The following SLC43A1 variants were observed in gnomAD, a reference collection of about 807,000 sequenced individuals.
The protein encoded by SLC43A1 is solute carrier family 43 member 1, also known as large neutral amino acids transporter small subunit 3.
SLC43A1 carries 31 observed loss-of-function variants against 59.5 expected under a neutral mutation model. The observed-to-expected ratio is 0.52, with a 90% CI of 0.39 to 0.70. The LOEUF is 0.70. Ranked by LOEUF, SLC43A1 falls within the 30% of genes least tolerant of loss-of-function variation. SLC43A1 has a pLI of 0.00. For missense variants in SLC43A1, 598 were observed against 717.8 expected (o/e 0.83, Z 1.91); for synonymous variants, 259 against 290.9 (o/e 0.89, Z 1.12).
chr11:57,514,257 GCTT>G lies in SLC43A1; in HGVS notation c.-13-136_-13-134del. The G allele has an allele frequency of 8.9e-7, 1 of 1,123,624 alleles. No homozygotes were observed. Among genetic ancestry groups the G allele is most frequent in the Admixed American group, 2.9e-5 (1 of 34,414 alleles). 69.6% of individuals were successfully genotyped at this position (1,123,624 alleles called of 1,614,324 possible). A position where few individuals can be genotyped will look rare whatever the true frequency, so the allele number is the denominator to read the frequency against. On this transcript the variant is annotated intron_variant, in intron 1 of 14. Transcript: ENST00000278426. The surrounding 1 kb of genome is among the most constrained non-coding windows in gnomAD (Gnocchi z 5.5). ...TCATGGAGGCCCCATAGAGCCCTGG[GCTT>G]CCCAGCCGGTGCCAAGGAGCTGGCT...
chr11:57,502,738 G>A (rs891128630), intron 2 of SLC43A1, among the ~76,000 whole-genome samples: 3 of 151,972 alleles, frequency 2.0e-5, no homozygotes, highest in Non-Finnish European at 4.4e-5. Context: ...GCCGAGCATG[G>A]CGATGCATGT....
chr11:57,505,026 A>T (rs1003974061), intron 2 of SLC43A1, among the ~76,000 whole-genome samples: 2 of 152,180 alleles, frequency 1.3e-5, no homozygotes, highest in Non-Finnish European at 2.9e-5. Context: ...ATCAACCCCC[A>T]ACCCCAACAT....
Position 57,507,261 on chromosome 11 carries a change from G to A in SLC43A1, c.155-5932C>T, listed in dbSNP as rs578075368. ...GAAAGGGGGATCACTTGAGGCCAGG[G>A]GTTCTAGATCAGCCTGGGCAACATG... On this transcript the variant is annotated intron_variant, in intron 2 of 14. Transcript: ENST00000278426. 7.3e-4 allele frequency among the ~76,000 whole-genome samples: 111 copies of A among 152,232 alleles called. 1 individual carries two copies. In the South Asian group the frequency reaches 0.021, roughly 29 times the overall value.
chr11:57,489,403 C>G lies in SLC43A1; in HGVS notation c.1194-11G>C. 6.2e-7 allele frequency: 1 copy of G among 1,613,702 alleles called. No homozygotes were observed. The highest frequency in any genetic ancestry group is 8.5e-7 in the Non-Finnish European group (1 of 1,179,744). ...GTAGCAACCCCGTCCCTGAGGAGTA[C>G]GGGAAGTCACTGGCTGCTGCCTCTA... is the stretch of plus-strand genomic sequence containing the variant. On this transcript the variant is annotated splice_polypyrimidine_tract_variant and intron_variant, in intron 11 of 14. Coordinates refer to ENST00000278426, the MANE Select transcript of SLC43A1 (RefSeq NM_003627.6).
At chr11:57,486,327 C>CA (rs1373986650) in intron 14 of SLC43A1, among the ~76,000 whole-genome samples, 3 of 152,064 alleles carry the variant, frequency 2.0e-5, no homozygotes, top group Middle Eastern at 3.2e-3. Flanking sequence ...TTTATCTGTA[C>CA]AAAATTTTTT....
chr11:57,509,650 G>GA (rs1411507411), intron 2 of SLC43A1, among the ~76,000 whole-genome samples: 2,328 of 130,354 alleles, frequency 0.018, 18 homozygotes, highest in Admixed American at 0.032. Context: ...AGGAAGGAAG[G>GA]AGGGAGGGAG....
chr11:57,486,595 C>T (rs1243894132), intron 14 of SLC43A1, among the ~76,000 whole-genome samples: 2 of 149,672 alleles, frequency 1.3e-5, no homozygotes, highest in East Asian at 2.0e-4. Context: ...GTCGGGAGAT[C>T]GAGGCCATCC....
At chr11:57,487,591 G>A (rs887677969) in intron 13 of SLC43A1, among the ~76,000 whole-genome samples, 2 of 152,102 alleles carry the variant, frequency 1.3e-5, no homozygotes, top group African/African-American at 2.4e-5. Flanking sequence ...GAGATACCAC[G>A]ATCAAGCAAG....
At chr11:57,485,807 T>G (rs1456021410) in intron 14 of SLC43A1, among the ~76,000 whole-genome samples, 1 of 152,220 alleles carries the variant, frequency 6.6e-6, no homozygotes, top group Non-Finnish European at 1.5e-5. Context: ...AGGGCTGTTG[T>G]GGCGAAGATG....
At position 57,514,573 on chromosome 11, in the gene SLC43A1, C is replaced by T. The variant is rs1944634747; in HGVS notation, c.-13-449G>A. 2 of 167,378 alleles carry T rather than the reference C, an allele frequency of 1.2e-5. No individual in the cohort carries two copies. The highest frequency in any genetic ancestry group is 1.1e-4 in the Admixed American group (2 of 17,792). 10.4% of individuals were successfully genotyped at this position (167,378 alleles called of 1,614,324 possible). A position where few individuals can be genotyped will look rare whatever the true frequency, so the allele number is the denominator to read the frequency against. On this transcript the variant is annotated intron_variant, in intron 1 of 14. Coordinates refer to ENST00000278426, the MANE Select transcript of SLC43A1 (RefSeq NM_003627.6). This position sits in a 1 kb window ranked among gnomAD's most constrained non-coding sequence, Gnocchi z 5.5. ...AAGCTGGCAGGAAGAAGGGCAAGTT[C>T]AAGGCTACCCTACGACCCCATCTTC...
intron 11 of SLC43A1, among the ~76,000 whole-genome samples, chr11:57,489,940 G>A (rs138071801): frequency 1.0e-3 from 152 of 152,298 alleles, no homozygotes; most frequent in Admixed American, 2.1e-3. Flanking sequence ...AGTAGGCTGG[G>A]GTGAGGACAG....
At chr11:57,513,823 T>C in intron 2 of SLC43A1, 135 bp downstream of exon 2, 1 of 707,762 alleles carries the variant, frequency 1.4e-6, no homozygotes, top group Admixed American at 2.1e-5. Context: ...CCCTGAAGTT[T>C]GAAGAGGTCG....
chr11:57,487,182 C>T lies in SLC43A1; in HGVS notation c.1446G>A (p.Leu482=), dbSNP rs192523832. ...PSNHFGTLTG[L]QSLISAVFAL... ...CGAACACAGCACTGATGAGGGACTG[C>T]AGGCCTGTCAGCGTCCCAAAGTGGT... The change falls in exon 14 of 15, where the codon CTG becomes CTA. Residue 482 remains leucine, a synonymous_variant. Transcript: ENST00000278426. 6 of 1,613,972 alleles carry T rather than the reference C, an allele frequency of 3.7e-6. No homozygotes were observed. Among genetic ancestry groups the T allele is most frequent in the Non-Finnish European group, 5.1e-6 (6 of 1,179,886 alleles).
intron 13 of SLC43A1, among the ~76,000 whole-genome samples, chr11:57,488,186 G>T (rs1031257018): frequency 3.9e-5 from 6 of 152,188 alleles, no homozygotes; most frequent in African/African-American, 1.4e-4. Context: ...AATAATCCAG[G>T]CTAGAGATGT....
chr11:57,496,267 C>A, intron 6 of SLC43A1, 103 bp from the exon 7 acceptor site: 1 of 1,343,498 alleles, frequency 7.4e-7, no homozygotes, highest in Non-Finnish European at 1.0e-6. Flanking sequence ...CTCTTCTCCC[C>A]TTGTCCTTGT....
chr11:57,500,951 C>A, intron 4 of SLC43A1, 37 bp downstream of exon 4: 1 of 1,597,484 alleles, frequency 6.3e-7, no homozygotes, highest in Non-Finnish European at 8.5e-7. Context: ...CCCACCTATT[C>A]TTTTCTTGTG....
chr11:57,493,535 C>G (rs1471218720), intron 8 of SLC43A1, among the ~76,000 whole-genome samples: 1 of 152,192 alleles, frequency 6.6e-6, no homozygotes, highest in African/African-American at 2.4e-5. Context: ...TATCATGGAG[C>G]TGGCGGTCCT....
rs780586388 is a variant in SLC43A1, at chr11:57,501,167, A to C, written c.317T>G (p.Val106Gly). 1.2e-6 allele frequency: 2 copies of C among 1,612,330 alleles called. No homozygotes were observed. The highest frequency in any genetic ancestry group is 1.7e-6 in the Non-Finnish European group (2 of 1,179,908). ...ILMDRFGPRP[V>G]RLVGSACFTA... The stretch of plus-strand genomic sequence containing the variant: ...GCCACCTCACCTGCCAACCAGCCGC[A>C]CGGGTCGGGGGCCAAAGCGGTCCAT... The change falls in exon 3 of 15, where the codon GTG becomes GGG. Residue 106 changes from valine (V) to glycine (G), a missense_variant. Val to Gly is a moderately radical substitution (Grantham distance 109). Transcript: ENST00000278426.
At chr11:57,503,999 C>G (rs1490005631) in intron 2 of SLC43A1, among the ~76,000 whole-genome samples, 2 of 152,036 alleles carry the variant, frequency 1.3e-5, no homozygotes, top group Non-Finnish European at 2.9e-5. Flanking sequence ...CGAGACCATC[C>G]TGGCTAACAC....
Sources: gnomAD v4.1 joint callset for allele counts (sites outside exome capture counted in the v4.1 genomes callset) on GRCh38, gnomAD v4.1.1 for gene constraint, Gnocchi (gnomAD v3.1) non-coding constraint, MANE v1.5 for transcripts, NCBI Gene and HGNC (gene_info 2026-07-23, HGNC 2026-07-21) for gene names.